LAMA2: variants seen among roughly 807,000 people sequenced by gnomAD.
LAMA2 encodes the protein laminin subunit alpha 2, also known as laminin subunit alpha-2.
A neutral mutation model predicts 364.8 loss-of-function variants in LAMA2; 269 were observed. The observed-to-expected ratio is 0.74, with a 90% CI of 0.67 to 0.82. The LOEUF (loss-of-function observed/expected upper bound fraction) is 0.82. LAMA2 is among the 40% of genes least tolerant of loss of function. LAMA2 has a pLI of 0.00. For synonymous variants in LAMA2, 1,379 were observed against 1,370.6 expected (o/e 1.01, Z -0.14); for missense variants, 3,807 against 3,873.2 (o/e 0.98, Z 0.45).
chr6:129,316,057 G>A lies in LAMA2; in HGVS notation c.3944G>A (p.Gly1315Glu), dbSNP rs1418316896. 1 of 1,613,924 alleles carries A rather than the reference G, an allele frequency of 6.2e-7. No homozygotes were observed. The highest frequency in any genetic ancestry group is 8.5e-7 in the Non-Finnish European group (1 of 1,179,878). Residue 1315 changes from glycine (G) to glutamate (E), a missense_variant, in exon 27 of 65, where the codon GGG becomes GAG. By Grantham distance (98) the Gly-to-Glu change is moderately conservative. Coordinates refer to ENST00000421865, the MANE Select transcript of LAMA2 (RefSeq NM_000426.4). ...TAACAGAAAGAATGGAAATATTATG[G>A]GGATGATCCTCGAGTCCATAGAACT... is the stretch of plus-strand genomic sequence containing the variant. The part of the protein sequence containing the change: ...EMTEKEWKYY[G>E]DDPRVHRTVT...
At chr6:129,337,317 T>C (rs539407222) in intron 29 of LAMA2, among the ~76,000 whole-genome samples, 4 of 152,342 alleles carry the variant, frequency 2.6e-5, no homozygotes, top group African/African-American at 9.6e-5. Flanking sequence ...TAGAGACTTA[T>C]AATCTACTAT....
At chr6:129,159,268 G>T in intron 8 of LAMA2, 1 of 733,942 alleles carries the variant, frequency 1.4e-6, no homozygotes, top group Non-Finnish European at 2.4e-6. Flanking sequence ...GCTTTCTTAC[G>T]ACTCCTCCAA....
Position 129,349,384 on chromosome 6 carries a change from G to C in LAMA2, c.4523G>C (p.Arg1508Thr), listed in dbSNP as rs770084568. 6 of 1,610,676 alleles carry C rather than the reference G, an allele frequency of 3.7e-6. No homozygotes were observed. Among genetic ancestry groups the C allele is most frequent in the Non-Finnish European group, 5.1e-6 (6 of 1,177,074 alleles). The change falls in exon 31 of 65, where the codon AGG becomes ACG. Residue 1508 changes from arginine (R) to threonine (T), a missense_variant and splice_region_variant. Transcript: ENST00000421865. ...PRGYEGQYCE[R>T]CAPGYTGSPG... ...GGATATGAAGGCCAGTACTGTGAAA[G>C]GTACCAACAGCCATGAAACGTACAG... is the stretch of plus-strand genomic sequence containing the variant.
At chr6:129,419,411 G>A (rs1780960064) in intron 40 of LAMA2, among the ~76,000 whole-genome samples, 1 of 152,022 alleles carries the variant, frequency 6.6e-6, no homozygotes, top group African/African-American at 2.4e-5. Context: ...TCTAAGAATG[G>A]TATCTAACTT....
intron 12 of LAMA2, among the ~76,000 whole-genome samples, chr6:129,230,485 G>GGT (rs1201928465): frequency 6.6e-6 from 1 of 152,044 alleles, no homozygotes; most frequent in African/African-American, 2.4e-5. Flanking sequence ...GATGTGGAAT[G>GGT]GTGCTGGGAC....
At chr6:129,470,931 G>T (rs944707790) in intron 51 of LAMA2, among the ~76,000 whole-genome samples, 1 of 151,856 alleles carries the variant, frequency 6.6e-6, no homozygotes, top group Admixed American at 6.6e-5. Flanking sequence ...ACAGAAGTGT[G>T]CCCTATCCCC....
intron 1 of LAMA2, among the ~76,000 whole-genome samples, chr6:128,998,329 T>C (rs1041561170): frequency 6.6e-6 from 1 of 152,206 alleles, no homozygotes; most frequent in South Asian, 2.1e-4. Context: ...GCACAACCTA[T>C]CTCTAGATCT....
Position 129,484,239 on chromosome 6 carries a change from C to T in LAMA2, c.7750-2235C>T, listed in dbSNP as rs144227624. On this transcript the variant is annotated intron_variant, in intron 55 of 64. Transcript: ENST00000421865. ...CTCACTGCAGTTTATAATGGGATAT[C>T]GAAACCATACTGGTTGTTATAGTAT... is the stretch of plus-strand genomic sequence containing the variant. Among the ~76,000 whole-genome samples, 19 of 152,126 alleles carry T rather than the reference C, an allele frequency of 1.2e-4. No homozygotes were observed. The East Asian group carries it at 1.3e-3, about 11-fold the overall frequency.
intron 35 of LAMA2, among the ~76,000 whole-genome samples, chr6:129,384,834 C>T (rs377075216): frequency 5.3e-5 from 8 of 151,722 alleles, no homozygotes; most frequent in Non-Finnish European, 1.2e-4. Flanking sequence ...GATAGGGCAC[C>T]CTTTTCTAAT....
chr6:129,040,026 C>T (rs1255669375), intron 1 of LAMA2, among the ~76,000 whole-genome samples: 1 of 151,922 alleles, frequency 6.6e-6, no homozygotes. Context: ...TGGCGGGGAG[C>T]GGTGTGTGTA....
intron 31 of LAMA2, among the ~76,000 whole-genome samples, chr6:129,350,982 A>G (rs1382936666): frequency 6.6e-6 from 1 of 152,186 alleles, no homozygotes; most frequent in African/African-American, 2.4e-5. Context: ...GCAACACCAA[A>G]TCTAAAAATA....
chr6:129,079,049 A>G lies in LAMA2; in HGVS notation c.397-19124A>G, dbSNP rs139473887. Among the ~76,000 whole-genome samples the G allele has an allele frequency of 1.8e-4, 27 of 152,290 alleles. 1 individual carries two copies. Among genetic ancestry groups the G allele is most frequent in the African/African-American group, 6.0e-4 (25 of 41,570 alleles). On this transcript the variant is annotated intron_variant, in intron 3 of 64. Coordinates refer to ENST00000421865, the MANE Select transcript of LAMA2 (RefSeq NM_000426.4). ...TCACACACACGTACATATATGGCAC[A>G]TTTTTTGTCCATTAATCCATTGATG...
chr6:129,218,047 A>G (rs1371297396), intron 12 of LAMA2, among the ~76,000 whole-genome samples: 1 of 150,398 alleles, frequency 6.6e-6, no homozygotes, highest in African/African-American at 2.4e-5. Context: ...ACATAAGTGC[A>G]GAAACTATCT....
chr6:129,333,926 A>C (rs974649461), intron 29 of LAMA2, among the ~76,000 whole-genome samples: 4 of 152,184 alleles, frequency 2.6e-5, no homozygotes, highest in African/African-American at 9.7e-5. Context: ...TTCTAAAAGC[A>C]TGTCTATTTT....
chr6:129,349,181 G>A (rs1268874212), intron 30 of LAMA2, 117 bp from the exon 31 acceptor site: 3 of 748,520 alleles, frequency 4.0e-6, no homozygotes, highest in Admixed American at 2.0e-5. Flanking sequence ...TAATTATAAA[G>A]ATGGCATTTA....
rs568814137 is a variant in LAMA2 at position 129,260,690 on chromosome 6, C to T, written c.2097-21C>T. On this transcript the variant is annotated intron_variant, in intron 14 of 64. Coordinates refer to ENST00000421865, the MANE Select transcript of LAMA2 (RefSeq NM_000426.4). Reference sequence around the variant, plus strand: ...CCTAAGAACTTTACTTATTCACCATCTCTTTTTTCCTCTGCCATAGGTTGA... The same window carrying T: ...CCTAAGAACTTTACTTATTCACCATTTCTTTTTTCCTCTGCCATAGGTTGA... 3.5e-6 allele frequency: 5 copies of T among 1,418,282 alleles called. No homozygotes were observed. In the African/African-American group the frequency reaches 7.0e-5, roughly 20 times the overall value. The allele number at this position is 1,418,282 out of a possible 1,614,324, so 87.9% of individuals were successfully genotyped here. A position where few individuals can be genotyped will look rare whatever the true frequency, so the allele number is the denominator to read the frequency against.
At chr6:129,054,982 G>C (rs1394533773) in intron 2 of LAMA2, among the ~76,000 whole-genome samples, 1 of 150,206 alleles carries the variant, frequency 6.7e-6, no homozygotes, top group Non-Finnish European at 1.5e-5. Context: ...TCTACATTCA[G>C]AGTATCTTTT....
intron 1 of LAMA2, among the ~76,000 whole-genome samples, chr6:128,911,389 G>A (rs1777935080): frequency 6.6e-6 from 1 of 152,130 alleles, no homozygotes; most frequent in Non-Finnish European, 1.5e-5. Context: ...GGGTGGGAGT[G>A]ACCAGATTTT....
chr6:128,927,644 T>C (rs1655539988), intron 1 of LAMA2, among the ~76,000 whole-genome samples: 1 of 152,180 alleles, frequency 6.6e-6, no homozygotes, highest in Non-Finnish European at 1.5e-5. Context: ...GTTTCCAAAT[T>C]TCTGCTGAGG....
Sources: allele counts gnomAD v4.1 joint callset (sites outside exome capture counted in the v4.1 genomes callset), GRCh38; gene constraint gnomAD v4.1.1; transcripts MANE v1.5; gene names NCBI Gene and HGNC (gene_info 2026-07-23, HGNC 2026-07-21).